ZNF550: variants seen among roughly 807,000 people sequenced by gnomAD.
ZNF550 encodes zinc finger protein 550.
Under a neutral mutation model 40.2 loss-of-function variants are expected in ZNF550, and 42 were observed. The ratio of observed to expected loss-of-function variants is 1.05; its 90% CI spans 0.82 to 1.35. The LOEUF is 1.35. Ranked by LOEUF, ZNF550 falls within the 40% of genes most tolerant of loss-of-function variation. The pLI is 0.00. For synonymous variants in ZNF550, 223 were observed against 198.6 expected (o/e 1.12, Z -1.03); for missense variants, 549 against 525.2 (o/e 1.05, Z -0.44).
At chr19:57,549,605 G>C (rs2090054993) in intron 3 of ZNF550, among the ~76,000 whole-genome samples, 1 of 152,200 alleles carries the variant, frequency 6.6e-6, no homozygotes, top group African/African-American at 2.4e-5. Flanking sequence ...CAGAGTCATT[G>C]CCAGAGAGAG....
intron 1 of ZNF550, among the ~76,000 whole-genome samples, chr19:57,557,875 C>G (rs1287150519): frequency 6.6e-6 from 1 of 152,240 alleles, no homozygotes; most frequent in Admixed American, 6.5e-5. Context: ...AACACAATAA[C>G]TATTCCCATC....
rs909043082 is a variant in ZNF550 at position 57,551,734 on chromosome 19, G to T, written c.250+893C>A. Among the ~76,000 whole-genome samples, 8 of 152,312 alleles carry T rather than the reference G, an allele frequency of 5.3e-5. No individual in the cohort carries two copies. In the East Asian group the frequency reaches 1.2e-3, roughly 22 times the overall value. On this transcript the variant is annotated intron_variant, in intron 3 of 4. Coordinates refer to ENST00000457177, the Ensembl canonical transcript of ZNF550. ...GGTTGCAGATGGGGCTGGCCAAGAA[G>T]CCCAAGGGGAGAGCCCATGACTCAG...
chr19:57,559,586 C>T (rs1477482255), intron 1 of ZNF550, 70 bp downstream of exon 1: 4 of 1,400,876 alleles, frequency 2.9e-6, no homozygotes, highest in African/African-American at 2.9e-5. Flanking sequence ...CCTGAAACGC[C>T]GTCCTTCCGC....
chr19:57,549,060 C>T (rs377303863), intron 3 of ZNF550, among the ~76,000 whole-genome samples: 1 of 151,834 alleles, frequency 6.6e-6, no homozygotes, highest in East Asian at 1.9e-4. Context: ...TTAATGGGTA[C>T]CAAAATGAAG....
At chr19:57,546,349 A>T (rs2090009166) in intron 4 of ZNF550, 2 of 147,794 alleles carry the variant, frequency 1.4e-5, no homozygotes, top group Non-Finnish European at 2.6e-5. Context: ...AATGTATGTT[A>T]AAAAAAAAAA....
At position 57,546,646 on chromosome 19, in the gene ZNF550, T is replaced by G. The variant is rs1211699398; in HGVS notation, c.*329A>C. Reference sequence around the variant, plus strand: ...TTCTGCTCTGGCCAAAGACTGTCCTTAATAGTTATATTTGGAATGTCTTTC... The same window carrying G: ...TTCTGCTCTGGCCAAAGACTGTCCTGAATAGTTATATTTGGAATGTCTTTC... On this transcript the variant is annotated 3_prime_UTR_variant, in exon 4 of 5. Coordinates refer to ENST00000457177, the Ensembl canonical transcript of ZNF550. 7.4e-6 allele frequency: 8 copies of G among 1,075,116 alleles called. No homozygotes were observed. The East Asian group carries it at 4.9e-4, about 65-fold the overall frequency. The allele number at this position is 1,075,116 out of a possible 1,614,324, so 66.6% of individuals were successfully genotyped here.
At chr19:57,545,517 A>G (rs2090000619) in intron 4 of ZNF550, among the ~76,000 whole-genome samples, 2 of 152,232 alleles carry the variant, frequency 1.3e-5, no homozygotes, top group African/African-American at 2.4e-5. Context: ...AGTGATCACT[A>G]TGTTGCCAGA....
intron 2 of ZNF550, chr19:57,555,987 T>A (rs1203875216): frequency 1.1e-5 from 5 of 463,444 alleles, no homozygotes; most frequent in African/African-American, 6.0e-5. Flanking sequence ...GGATGGCCAA[T>A]CAGCTTCCTT....
rs377442837 is a variant in ZNF550, at chr19:57,547,326, A to C, written c.918T>G (p.Asn306Lys). 5 of 1,613,844 alleles carry C rather than the reference A, an allele frequency of 3.1e-6. 1 individual carries two copies. Among genetic ancestry groups the C allele is most frequent in the East Asian group, 4.5e-5 (2 of 44,834 alleles). Residue 306 changes from asparagine to lysine, a missense_variant, in exon 4 of 5, where the codon AAT (asparagine) becomes AAG (lysine). Asn to Lys is a moderately conservative substitution (Grantham distance 94, BLOSUM62 0). Coordinates refer to ENST00000457177, the Ensembl canonical transcript of ZNF550. ...AGGGCTTTTCTCCAGTGTGGGTCCT[A>C]TTATGGCGAATAAAAGTAGACCGGT...
exon 5 of ZNF550, chr19:57,542,170 T>G (rs2089965647): frequency 6.6e-6 from 1 of 151,896 alleles, no homozygotes; most frequent in African/African-American, 2.4e-5. Context: ...ATATTCTATA[T>G]CACTTTAAAC....
At chr19:57,553,205 A>G (rs2090089367) in intron 2 of ZNF550, 1 of 152,698 alleles carries the variant, frequency 6.5e-6, no homozygotes, top group South Asian at 2.1e-4. Context: ...AAACCACCCA[A>G]TCCATGACAT....
At chr19:57,547,676 G>A in exon 4 of ZNF550, 1 of 1,614,130 alleles carries the variant, frequency 6.2e-7, no homozygotes, top group Non-Finnish European at 8.5e-7. Context: ...TCTTTCCCTG[G>A]TTGCTGTGAG....
exon 5 of ZNF550, chr19:57,543,186 A>G (rs2089976863): frequency 1.1e-6 from 1 of 940,048 alleles, no homozygotes; most frequent in Non-Finnish European, 1.3e-6. Flanking sequence ...TAGTTCTATT[A>G]TGTTTTTATT....
chr19:57,544,115 TC>T, intron 4 of ZNF550: 1 of 985,436 alleles, frequency 1.0e-6, no homozygotes, highest in Non-Finnish European at 1.2e-6. Flanking sequence ...GACAGTAAGT[TC>T]CTTCCCTGCT....
intron 2 of ZNF550, 48 bp from the exon 3 acceptor site, chr19:57,552,770 G>C: frequency 1.4e-6 from 2 of 1,415,396 alleles, no homozygotes; most frequent in South Asian, 1.2e-5. Context: ...ATGAGAAAAT[G>C]AAAGTCTCTC....
chr19:57,557,330 C>G (rs1268169991), intron 1 of ZNF550: 2 of 152,072 alleles, frequency 1.3e-5, no homozygotes, highest in African/African-American at 2.4e-5. Flanking sequence ...CTGCTCTTTA[C>G]TGCACTGAGA....
At chr19:57,547,462 C>G (rs200765871) in exon 4 of ZNF550, 411 of 1,613,990 alleles carry the variant, frequency 2.5e-4, no homozygotes, top group Non-Finnish European at 1.8e-4. Context: ...ACACTCAAGG[C>G]ACTTGTATGG....
intron 1 of ZNF550, chr19:57,556,844 AC>A (rs1445341065): frequency 6.1e-6 from 1 of 164,912 alleles, no homozygotes; most frequent in Admixed American, 5.6e-5. Flanking sequence ...CCTAGCCCCA[AC>A]CCTGTGCTCA....
chr19:57,557,679 G>C (rs1473351752), intron 1 of ZNF550: 3 of 152,178 alleles, frequency 2.0e-5, no homozygotes, highest in Non-Finnish European at 4.4e-5. Context: ...ACCCACAGGT[G>C]TAGAGGGGCA....
Sources: gnomAD v4.1 joint callset for allele counts (sites outside exome capture counted in the v4.1 genomes callset) on GRCh38, gnomAD v4.1.1 for gene constraint, MANE v1.5 for transcripts, NCBI Gene and HGNC (gene_info 2026-07-23, HGNC 2026-07-21) for gene names.